Variants in MKLN1 observed in about 807,000 individuals in gnomAD.
MKLN1 encodes muskelin.
In MKLN1, 18 loss-of-function variants were observed where a neutral mutation model predicts 99.0. The ratio of observed to expected loss-of-function variants is 0.18; its 90% CI spans 0.13 to 0.27. The LOEUF (loss-of-function observed/expected upper bound fraction) is 0.27. MKLN1 is among the 10% of genes least tolerant of loss of function. The pLI, the probability that MKLN1 is intolerant of heterozygous loss-of-function variation, is 1.00. For synonymous variants in MKLN1, 288 were observed against 293.2 expected (o/e 0.98, Z 0.18); for missense variants, 621 against 875.9 (o/e 0.71, Z 3.67).
At chr7:131,423,413 A>G (rs1795263190) in intron 8 of MKLN1, among the ~76,000 whole-genome samples, 2 of 151,932 alleles carry the variant, frequency 1.3e-5, no homozygotes, top group African/African-American at 2.4e-5. Flanking sequence ...GCTCACTGCA[A>G]CCTCCACGTC....
intron 1 of MKLN1, among the ~76,000 whole-genome samples, chr7:131,374,896 T>C (rs1322713287): frequency 6.6e-6 from 1 of 151,928 alleles, no homozygotes; most frequent in African/African-American, 2.4e-5. Flanking sequence ...ATATATGGTA[T>C]TTTATTTTTA....
intron 3 of MKLN1, among the ~76,000 whole-genome samples, chr7:131,225,442 ACACT>A (rs1797132745): frequency 6.6e-6 from 1 of 152,178 alleles, no homozygotes; most frequent in South Asian, 2.1e-4. Context: ...GGAGAGACAA[ACACT>A]CAGTCCATAG....
At chr7:131,124,052 T>C (rs1177494873) in intron 1 of MKLN1, among the ~76,000 whole-genome samples, 1 of 152,182 alleles carries the variant, frequency 6.6e-6, no homozygotes, top group Non-Finnish European at 1.5e-5. Flanking sequence ...CTTGGGGTGA[T>C]TACATACACC....
intron 9 of MKLN1, among the ~76,000 whole-genome samples, chr7:131,432,520 T>C (rs1795554625): frequency 6.6e-6 from 1 of 152,148 alleles, no homozygotes; most frequent in Non-Finnish European, 1.5e-5. Flanking sequence ...ATTAATAGAC[T>C]CATAAAAACC....
At chr7:131,283,343 C>CTCTTCCTTCCTTCCTTCCTTCCTT (rs1554546593) in intron 3 of MKLN1, among the ~76,000 whole-genome samples, 1 of 74,678 alleles carries the variant, frequency 1.3e-5, no homozygotes, top group Non-Finnish European at 2.4e-5. Context: ...CCCTTCCCTT[C>CTCTTCCTTCCTTCCTTCCTTCCTT]CCCTCCTTCC....
At chr7:131,483,861 A>G (rs1009948955) in intron 17 of MKLN1, among the ~76,000 whole-genome samples, 5 of 152,244 alleles carry the variant, frequency 3.3e-5, no homozygotes, top group Non-Finnish European at 7.3e-5. Flanking sequence ...ATGACCACAG[A>G]AATACCACAA....
intron 3 of MKLN1, among the ~76,000 whole-genome samples, chr7:131,298,882 T>C (rs6467369): frequency 0.89 from 134,967 of 152,224 alleles, 59,859 homozygotes; most frequent in East Asian, 0.99. Flanking sequence ...ATACTGAATC[T>C]GATCATAGGT....
intron 2 of MKLN1, among the ~76,000 whole-genome samples, chr7:131,186,580 G>GT (rs1464562101): frequency 6.6e-6 from 1 of 152,176 alleles, no homozygotes; most frequent in Non-Finnish European, 1.5e-5. Flanking sequence ...ATAACATGCA[G>GT]TAGGTTCCCT....
At chr7:131,409,363 C>G (rs1370628492) in intron 6 of MKLN1, among the ~76,000 whole-genome samples, 3 of 152,162 alleles carry the variant, frequency 2.0e-5, no homozygotes, top group Admixed American at 2.0e-4. Context: ...GCGAAAGTTG[C>G]AGGAAGTTCT....
At chr7:131,139,638 G>A (rs1795701883) in intron 1 of MKLN1, among the ~76,000 whole-genome samples, 1 of 152,174 alleles carries the variant, frequency 6.6e-6, no homozygotes, top group Admixed American at 6.6e-5. Context: ...GATAGTGACA[G>A]TGTGACAATT....
intron 3 of MKLN1, among the ~76,000 whole-genome samples, chr7:131,297,388 G>A (rs948453105): frequency 4.2e-5 from 6 of 144,358 alleles, no homozygotes; most frequent in Admixed American, 7.1e-5. Flanking sequence ...ATATATGTGT[G>A]TGTGTATATA....
intron 3 of MKLN1, among the ~76,000 whole-genome samples, chr7:131,322,129 G>A (rs138599275): frequency 2.0e-5 from 3 of 152,332 alleles, no homozygotes; most frequent in African/African-American, 4.8e-5. Flanking sequence ...ACCACTGGAT[G>A]GGGTGTTTTC....
chr7:131,343,951 A>G (rs994142733), intron 1 of MKLN1, among the ~76,000 whole-genome samples: 2 of 152,176 alleles, frequency 1.3e-5, no homozygotes, highest in African/African-American at 4.8e-5. Flanking sequence ...GGGTTGCCAC[A>G]TGTAAGTTTT....
chr7:131,176,340 A>C (rs879865210), intron 2 of MKLN1, among the ~76,000 whole-genome samples: 1 of 152,044 alleles, frequency 6.6e-6, no homozygotes, highest in Non-Finnish European at 1.5e-5. Flanking sequence ...AAAATATTTT[A>C]TTTTGTGGGT....
intron 1 of MKLN1, among the ~76,000 whole-genome samples, chr7:131,115,794 G>A (rs1471150137): frequency 2.6e-5 from 4 of 151,930 alleles, no homozygotes; most frequent in Non-Finnish European, 4.4e-5. Context: ...TACTCTTTTG[G>A]TCATTCTGAT....
intron 2 of MKLN1, among the ~76,000 whole-genome samples, chr7:131,197,157 A>G (rs1431987965): frequency 6.6e-6 from 1 of 152,180 alleles, no homozygotes. Context: ...GTGCATTACT[A>G]TCATAAGATT....
chr7:131,307,168 T>A (rs1272871806), intron 3 of MKLN1, among the ~76,000 whole-genome samples: 1 of 152,100 alleles, frequency 6.6e-6, no homozygotes, highest in East Asian at 1.9e-4. Flanking sequence ...GGCTTCTATG[T>A]GGTATTGGGC....
At chr7:131,355,600 T>G (rs1285253467) in intron 1 of MKLN1, among the ~76,000 whole-genome samples, 2 of 149,882 alleles carry the variant, frequency 1.3e-5, no homozygotes, top group Non-Finnish European at 3.0e-5. Flanking sequence ...CTTTTATGTT[T>G]GAAGGCTCTG....
At chr7:131,162,604 C>A (rs1029517011) in intron 2 of MKLN1, among the ~76,000 whole-genome samples, 1 of 152,040 alleles carries the variant, frequency 6.6e-6, no homozygotes, top group African/African-American at 2.4e-5. Context: ...GTATATGAAA[C>A]ACACATGATT....
Sources: gnomAD v4.1 joint callset for allele counts (sites outside exome capture counted in the v4.1 genomes callset) on GRCh38, gnomAD v4.1.1 for gene constraint, MANE v1.5 for transcripts, NCBI Gene and HGNC (gene_info 2026-07-23, HGNC 2026-07-21) for gene names.